Variants in GPC1 observed in about 807,000 individuals in gnomAD.
GPC1 encodes the protein glypican-1.
Under a neutral mutation model 51.5 loss-of-function variants are expected in GPC1, and 26 were observed. The ratio of observed to expected loss-of-function variants is 0.50; its 90% CI spans 0.37 to 0.70. GPC1 has a LOEUF of 0.70. Among genes scored for constraint, GPC1 ranks in the 30% least tolerant of loss-of-function variants. The pLI is 0.00. For missense variants in GPC1, 775 were observed against 800.5 expected, an observed-to-expected ratio of 0.97 and a Z score of 0.38; for synonymous variants, 380 against 348.3, an observed-to-expected ratio of 1.09 and a Z score of -1.01.
At chr2:240,462,088 G>A in intron 2 of GPC1, 103 bp from the exon 3 acceptor site, 2 of 1,174,540 alleles carry the variant, frequency 1.7e-6, no homozygotes, top group East Asian at 2.6e-5. Context: ...GGTCCTCAGA[G>A]TGTATCCTCA....
Position 240,462,417 on chromosome 2 carries a change from G to A in GPC1, c.552G>A (p.Leu184=). The change falls in exon 3 of 9, where the codon CTG becomes CTA. Residue 184 remains leucine (L), a synonymous_variant. Coordinates refer to ENST00000264039, the MANE Select transcript of GPC1 (RefSeq NM_002081.3). ...AGCAGCTGCACCCCCAGCTGCTGCT[G>A]CCTGATGACTACCTGGACTGCCTGG... ...LFKQLHPQLL[L]PDDYLDCLGK... is the part of the protein sequence containing the mutation. 1 of 1,603,992 alleles carries A rather than the reference G, an allele frequency of 6.2e-7. No individual in the cohort carries two copies. The highest frequency in any genetic ancestry group is 8.5e-7 in the Non-Finnish European group (1 of 1,175,786).
intron 1 of GPC1, among the ~76,000 whole-genome samples, chr2:240,445,937 G>A (rs371093420): frequency 1.4e-4 from 21 of 152,344 alleles, no homozygotes; most frequent in African/African-American, 4.3e-4. Context: ...CTCACAATTC[G>A]TTGTATCACA....
At chr2:240,451,439 GC>G in intron 1 of GPC1, 1 of 356,194 alleles carries the variant, frequency 2.8e-6, no homozygotes. Flanking sequence ...GCTGGGCAGA[GC>G]CCCAGGAGGA....
At chr2:240,456,171 C>T (rs1163489469) in intron 1 of GPC1, 25 of 258,508 alleles carry the variant, frequency 9.7e-5, no homozygotes, top group Non-Finnish European at 1.0e-4. Context: ...GCGCGGGGGC[C>T]GGTGCGCGGC....
Position 240,466,345 on chromosome 2 carries a change from C to A in GPC1, c.*55C>A. 1 of 993,732 alleles carries A rather than the reference C, an allele frequency of 1.0e-6. No individual in the cohort carries two copies. The highest frequency in any genetic ancestry group is 1.6e-6 in the Non-Finnish European group (1 of 631,742). The allele number at this position is 993,732 out of a possible 1,614,324, so 61.6% of individuals were successfully genotyped here. A position where few individuals can be genotyped will look rare whatever the true frequency, so the allele number is the denominator to read the frequency against. On this transcript the variant is annotated 3_prime_UTR_variant, in exon 9 of 9. Coordinates refer to ENST00000264039, the MANE Select transcript of GPC1 (RefSeq NM_002081.3). ...AGGACTGACTTTGCCAAAAATACAA[C>A]ACAGACGATATTTAATTCACCTCAG...
chr2:240,454,762 G>T (rs907115450), intron 1 of GPC1: 2 of 154,020 alleles, frequency 1.3e-5, no homozygotes, highest in African/African-American at 4.8e-5. Context: ...TGTGTGAGCC[G>T]TGGAAGCTTC....
chr2:240,463,539 T>A, intron 4 of GPC1, 27 bp downstream of exon 4: 9 of 1,607,284 alleles, frequency 5.6e-6, no homozygotes, highest in Non-Finnish European at 6.8e-6. Flanking sequence ...GAGAGCGGCC[T>A]GGAACTGTCT....
chr2:240,453,561 C>G (rs1233782709), intron 1 of GPC1, among the ~76,000 whole-genome samples: 1 of 138,010 alleles, frequency 7.2e-6, no homozygotes, highest in Admixed American at 7.0e-5. Context: ...ACCCCCGTGC[C>G]TGCCGCACCC....
At chr2:240,450,646 G>A (rs1436809861) in intron 1 of GPC1, 2 of 470,664 alleles carry the variant, frequency 4.2e-6, no homozygotes, top group South Asian at 1.5e-5. Flanking sequence ...GTGCCCCGTC[G>A]AGCCCCGTGC....
At position 240,462,053 on chromosome 2, in the gene GPC1, G is replaced by A. The variant is rs771380299; in HGVS notation, c.326-138G>A. On this transcript the variant is annotated intron_variant, in intron 2 of 8. Coordinates refer to ENST00000264039, the MANE Select transcript of GPC1 (RefSeq NM_002081.3). ...ATGGATGCCCACAGGGCCCACAGCC[G>A]CTGCAGTGTGGCGTCCGACTCCGAG... is the stretch of plus-strand genomic sequence containing the variant. 31 of 837,128 alleles carry A rather than the reference G, an allele frequency of 3.7e-5. No homozygotes were observed. In the Admixed American group the frequency reaches 4.5e-4, roughly 12 times the overall value. 51.9% of individuals were successfully genotyped at this position (837,128 alleles called of 1,614,324 possible).
rs1009985625 is a variant in GPC1, at chr2:240,448,501, G to A, written c.167-10529G>A. Among the ~76,000 whole-genome samples the A allele has an allele frequency of 1.5e-4, 23 of 151,262 alleles. No homozygotes were observed. Among genetic ancestry groups the A allele is most frequent in the Non-Finnish European group, 3.1e-4 (21 of 67,576 alleles). The stretch of plus-strand genomic sequence containing the variant: ...GTCAGGACTCCAGGTGCCTGGGGGT[G>A]GAACTCTGAGCCTCCGGCTCTCCTC... On this transcript the variant is annotated intron_variant, in intron 1 of 8. Coordinates refer to ENST00000264039, the MANE Select transcript of GPC1 (RefSeq NM_002081.3). This position sits in a 1 kb window ranked among gnomAD's most constrained non-coding sequence, Gnocchi z 4.5.
intron 1 of GPC1, 152 bp downstream of exon 1, chr2:240,436,236 C>T (rs2073983153): frequency 4.6e-6 from 2 of 438,120 alleles, no homozygotes; most frequent in Admixed American, 9.0e-5. Context: ...CGCTGCGGCT[C>T]CTCTGCAACC....
intron 1 of GPC1, chr2:240,457,897 C>T (rs1385539403): frequency 1.4e-5 from 5 of 363,732 alleles, no homozygotes; most frequent in South Asian, 4.0e-5. Flanking sequence ...TGCTGGAATT[C>T]CTGCTGACAA....
Position 240,448,188 on chromosome 2 carries a change from T to C in GPC1, c.167-10842T>C, listed in dbSNP as rs141402555. Among the ~76,000 whole-genome samples, 629 of 152,246 alleles carry C rather than the reference T, an allele frequency of 4.1e-3. 3 individuals are homozygous for C. The highest frequency in any genetic ancestry group is 6.0e-3 in the Non-Finnish European group (406 of 67,994). On this transcript the variant is annotated intron_variant, in intron 1 of 8. Coordinates refer to ENST00000264039, the MANE Select transcript of GPC1 (RefSeq NM_002081.3). This position sits in a 1 kb window ranked among gnomAD's most constrained non-coding sequence, Gnocchi z 4.5. ...GAGAGGCAGGAAGGGCAGGAGATGC[T>C]GGCCCCGGGTCTGGACAGCTGCCCT... is the stretch of plus-strand genomic sequence containing the variant.
At chr2:240,465,001 G>A (rs1418537797) in intron 6 of GPC1, 26 bp downstream of exon 6, 2 of 1,567,200 alleles carry the variant, frequency 1.3e-6, no homozygotes, top group Non-Finnish European at 1.7e-6. Flanking sequence ...GTGTCCACTG[G>A]ACCAGGCATG....
intron 1 of GPC1, chr2:240,450,477 T>A: frequency 2.4e-6 from 1 of 417,304 alleles, no homozygotes; most frequent in South Asian, 1.8e-5. Flanking sequence ...GCTCTCTATG[T>A]GTCAGCTATG....
intron 1 of GPC1, among the ~76,000 whole-genome samples, chr2:240,447,131 G>A (rs879386424): frequency 2.6e-5 from 4 of 152,094 alleles, no homozygotes; most frequent in Non-Finnish European, 4.4e-5. Flanking sequence ...GACGGGGCTG[G>A]GGGCTTGGTA....
intron 1 of GPC1, among the ~76,000 whole-genome samples, chr2:240,441,504 A>G (rs2074016621): frequency 6.6e-6 from 1 of 152,202 alleles, no homozygotes; most frequent in South Asian, 2.1e-4. Context: ...GCACTCCTAC[A>G]TGCGGGGCCT....
chr2:240,449,735 G>A, intron 1 of GPC1: 2 of 429,446 alleles, frequency 4.7e-6, no homozygotes, highest in South Asian at 1.6e-5. Flanking sequence ...CGCCCCTGGT[G>A]CCCGCCATCC....
Sources: allele counts gnomAD v4.1 joint callset (sites outside exome capture counted in the v4.1 genomes callset), GRCh38; gene constraint gnomAD v4.1.1; non-coding constraint Gnocchi (gnomAD v3.1); transcripts MANE v1.5; gene names NCBI Gene and HGNC (gene_info 2026-07-23, HGNC 2026-07-21).